ACOX3: variants seen among roughly 807,000 people sequenced by gnomAD.
ACOX3 encodes peroxisomal acyl-coenzyme A oxidase 3.
Under a neutral mutation model 81.5 loss-of-function variants are expected in ACOX3, and 73 were observed. The ratio of observed to expected loss-of-function variants is 0.90; its 90% CI spans 0.74 to 1.09. ACOX3 has a LOEUF of 1.09. Ranked by LOEUF, ACOX3 falls within the 50% of genes least tolerant of loss-of-function variation. The pLI is 0.00. For missense variants in ACOX3, 947 were observed against 928.0 expected (o/e 1.02, Z -0.27); for synonymous variants, 387 against 375.1 (o/e 1.03, Z -0.37).
In ACOX3 at chr4:8,389,349, G is replaced by C; in HGVS notation, c.1424-63C>G. 6.7e-7 allele frequency: 1 copy of C among 1,501,514 alleles called. No homozygotes were observed. Among genetic ancestry groups the C allele is most frequent in the Non-Finnish European group, 9.1e-7 (1 of 1,096,870 alleles). The allele number at this position is 1,501,514 out of a possible 1,614,324, so 93.0% of individuals were successfully genotyped here. On this transcript the variant is annotated intron_variant, in intron 12 of 17. Transcript: ENST00000356406. This position sits in a 1 kb window ranked among gnomAD's most constrained non-coding sequence, Gnocchi z 5.3. ...GAACCCAAACCATTGGGAACCCCAA[G>C]CTGGGGGCACCCCAAAGCACAGAGA...
At chr4:8,428,593 C>T (rs542313904) in intron 1 of ACOX3, 1 of 152,436 alleles carries the variant, frequency 6.6e-6, no homozygotes, top group South Asian at 2.1e-4. Context: ...AGCCACGAAG[C>T]TTCGCCAGGC....
rs190415440 is a variant in ACOX3, at chr4:8,394,171, C to T, written c.1179+449G>A. On this transcript the variant is annotated intron_variant, in intron 10 of 17. Transcript: ENST00000356406. This position sits in a 1 kb window ranked among gnomAD's most constrained non-coding sequence, Gnocchi z 5.9. Reference sequence around the variant, plus strand: ...AATCATCTACAAAGAAATCCGTTCCCGATGTCTCTTTATGCCGAGGCTGAT... The same window carrying T: ...AATCATCTACAAAGAAATCCGTTCCTGATGTCTCTTTATGCCGAGGCTGAT... Among the ~76,000 whole-genome samples the T allele has an allele frequency of 2.0e-5, 3 of 152,296 alleles. No individual in the cohort carries two copies. The highest frequency in any genetic ancestry group is 4.8e-5 in the African/African-American group (2 of 41,568).
At chr4:8,371,786 T>C (rs1040081313) in intron 16 of ACOX3, among the ~76,000 whole-genome samples, 3 of 152,200 alleles carry the variant, frequency 2.0e-5, no homozygotes, top group Non-Finnish European at 4.4e-5. Context: ...GGAGAGAAGC[T>C]CTCGGCAGAG....
intron 17 of ACOX3, among the ~76,000 whole-genome samples, chr4:8,369,983 C>T (rs1490847193): frequency 6.6e-6 from 1 of 152,226 alleles, no homozygotes; most frequent in Non-Finnish European, 1.5e-5. Context: ...CCCAGTGGAC[C>T]TGTGAGCATC....
At chr4:8,425,831 A>G (rs1723416836) in intron 1 of ACOX3, among the ~76,000 whole-genome samples, 4 of 152,058 alleles carry the variant, frequency 2.6e-5, no homozygotes. Context: ...CAGAGTGACA[A>G]TGGCCCCGCT....
Position 8,406,044 on chromosome 4 carries a change from C to A in ACOX3, c.688-1G>T. The A allele has an allele frequency of 1.2e-6, 2 of 1,613,936 alleles. No homozygotes were observed. On this transcript the variant is annotated splice_acceptor_variant, in intron 6 of 17. Transcript: ENST00000356406. LOFTEE classifies it high-confidence loss of function. This position sits in a 1 kb window ranked among gnomAD's most constrained non-coding sequence, Gnocchi z 5.6. ...GAAGAAGGGTCTTCGGGTCCCGGAT[C>A]TATACAAAGCCACAGAAAGCAGCAA... is the stretch of plus-strand genomic sequence containing the variant.
rs1172043870 is a variant in ACOX3 at position 8,407,101 on chromosome 4, C to G, written c.688-1058G>C. On this transcript the variant is annotated intron_variant, in intron 6 of 17. Transcript: ENST00000356406. This position sits in a 1 kb window ranked among gnomAD's most constrained non-coding sequence, Gnocchi z 4.6. ...GGCATCACTGCTAGACCAAGGAGCC[C>G]TCTGGTGGCCCTGTCTGGGCATAAC... Among the ~76,000 whole-genome samples, 1 of 152,212 alleles carries G rather than the reference C, an allele frequency of 6.6e-6. No individual in the cohort carries two copies. Among genetic ancestry groups the G allele is most frequent in the Non-Finnish European group, 1.5e-5 (1 of 68,040 alleles).
rs1721181270 is a variant in ACOX3 at position 8,407,883 on chromosome 4, G to A, written c.688-1840C>T. On this transcript the variant is annotated intron_variant, in intron 6 of 17. Transcript: ENST00000356406. The surrounding 1 kb of genome is among the most constrained non-coding windows in gnomAD (Gnocchi z 4.6). ...TGCCACCTTCCCCTTCCCCACCAGG[G>A]GACACGGGTGGTGTCTGGAGAGATT... is the stretch of plus-strand genomic sequence containing the variant. 6.6e-6 allele frequency among the ~76,000 whole-genome samples: 1 copy of A among 152,218 alleles called. No homozygotes were observed. The highest frequency in any genetic ancestry group is 2.4e-5 in the African/African-American group (1 of 41,450).
At chr4:8,356,225 C>T in the ACOX3 span, 1 of 311,900 alleles carries the variant, frequency 3.2e-6, no homozygotes, top group East Asian at 7.6e-5. Context: ...GTCCCACATC[C>T]AATAGACAGT....
At chr4:8,415,719 A>T in intron 3 of ACOX3, 47 bp downstream of exon 3, 3 of 1,560,444 alleles carry the variant, frequency 1.9e-6, no homozygotes, top group Non-Finnish European at 2.6e-6. Context: ...CTCAAGGCTC[A>T]GCGCAGCATG....
At chr4:8,412,677 G>A (rs2688226) in intron 5 of ACOX3, among the ~76,000 whole-genome samples, 4,217 of 152,246 alleles carry the variant, frequency 0.028, 96 homozygotes, top group Middle Eastern at 0.041. Context: ...GAGGGTGGAA[G>A]GCGGGTGAGG....
chr4:8,388,841 C>G (rs1718615915), intron 13 of ACOX3, among the ~76,000 whole-genome samples: 1 of 152,192 alleles, frequency 6.6e-6, no homozygotes, highest in Non-Finnish European at 1.5e-5. Context: ...GCCCAGGCAC[C>G]AGGGCAGGGG....
rs28591490 is a variant in ACOX3, at chr4:8,417,910, T to G, written c.-14-1375A>C. Among the ~76,000 whole-genome samples, 1,037 of 152,274 alleles carry G rather than the reference T, an allele frequency of 6.8e-3. 19 individuals are homozygous for G. The highest frequency in any genetic ancestry group is 0.023 in the African/African-American group (968 of 41,530). ...AAATAAAAAGGATTATAAGGGAATA[T>G]TGTGAACCATGGTATGCCAACAAAT... On this transcript the variant is annotated intron_variant, in intron 1 of 17. Transcript: ENST00000356406.
the ACOX3 span, chr4:8,358,014 T>C: frequency 1.3e-5 from 2 of 152,474 alleles, no homozygotes; most frequent in South Asian, 2.1e-4. Flanking sequence ...CTGACCAACA[T>C]TAAAATAAAA....
In ACOX3 at chr4:8,414,989, AAC is replaced by A; in HGVS notation, c.379-63_379-62del. On this transcript the variant is annotated intron_variant, in intron 3 of 17. Transcript: ENST00000356406. The surrounding 1 kb of genome is among the most constrained non-coding windows in gnomAD (Gnocchi z 6.1). ...GGTAAGAAGAGTACTGCTCTTCCGG[AAC>A]ATCACAACAGACAACGGCACTCAAC... 1 of 1,461,304 alleles carries A rather than the reference AAC, an allele frequency of 6.8e-7. No individual in the cohort carries two copies. Among genetic ancestry groups the A allele is most frequent in the South Asian group, 1.1e-5 (1 of 87,876 alleles). 90.5% of individuals were successfully genotyped at this position (1,461,304 alleles called of 1,614,324 possible).
rs1233745766 is a variant in ACOX3 at position 8,430,311 on chromosome 4, C to A, written c.-15+10337G>T. The stretch of plus-strand genomic sequence containing the variant: ...GGAAGTGATCCTTAGTCTAGACTAG[C>A]CTTCCCAGCCAGGGGTCTATTGTGT... On this transcript the variant is annotated intron_variant, in intron 1 of 17. Coordinates refer to ENST00000356406, the MANE Select transcript of ACOX3 (RefSeq NM_003501.3). The surrounding 1 kb of genome is among the most constrained non-coding windows in gnomAD (Gnocchi z 5.2). Among the ~76,000 whole-genome samples the A allele has an allele frequency of 6.6e-6, 1 of 152,206 alleles. No homozygotes were observed. Among genetic ancestry groups the A allele is most frequent in the East Asian group, 1.9e-4 (1 of 5,198 alleles).
At chr4:8,409,583 G>A (rs1243567709) in intron 6 of ACOX3, among the ~76,000 whole-genome samples, 4 of 146,866 alleles carry the variant, frequency 2.7e-5, no homozygotes, top group Non-Finnish European at 6.0e-5. Context: ...GGGCCTGTCT[G>A]TGCACTGTGG....
At chr4:8,393,635 A>G (rs199988183) in intron 10 of ACOX3, among the ~76,000 whole-genome samples, 342 of 58,942 alleles carry the variant, frequency 5.8e-3, no homozygotes, top group African/African-American at 0.012. Context: ...ACACACACAC[A>G]CGCACACACA....
At chr4:8,380,901 G>C (rs1357388244) in intron 14 of ACOX3, among the ~76,000 whole-genome samples, 2 of 152,202 alleles carry the variant, frequency 1.3e-5, no homozygotes, top group Non-Finnish European at 2.9e-5. Flanking sequence ...CAGGGTGGGG[G>C]CTGGGCTCTG....
Sources: gnomAD v4.1 joint callset for allele counts (sites outside exome capture counted in the v4.1 genomes callset) on GRCh38, gnomAD v4.1.1 for gene constraint, Gnocchi (gnomAD v3.1) non-coding constraint, MANE v1.5 for transcripts, NCBI Gene and HGNC (gene_info 2026-07-23, HGNC 2026-07-21) for gene names.